CPS1: variants seen among roughly 807,000 people sequenced by gnomAD.
CPS1 encodes carbamoyl-phosphate synthase [ammonia], mitochondrial.
Under a neutral mutation model 174.6 loss-of-function variants are expected in CPS1, and 109 were observed. That is an observed-to-expected ratio of 0.62 (90% CI 0.53 to 0.73). The LOEUF is 0.73. CPS1 is among the 30% of genes least tolerant of loss of function. The pLI is 0.00. For synonymous variants in CPS1, 637 were observed against 632.0 expected (o/e 1.01, Z -0.12); for missense variants, 1,689 against 1,821.9 (o/e 0.93, Z 1.33).
intron 1 of CPS1, among the ~76,000 whole-genome samples, chr2:210,502,125 TG>T (rs1473776146): frequency 6.6e-6 from 1 of 151,976 alleles, no homozygotes; most frequent in Non-Finnish European, 1.5e-5. Context: ...GAGAACAGCA[TG>T]GGGGAAACTG....
Position 210,496,067 on chromosome 2 carries a change from T to C in CPS1, c.3+18301T>C, listed in dbSNP as rs147347275. Among the ~76,000 whole-genome samples, 482 of 152,270 alleles carry C rather than the reference T, an allele frequency of 3.2e-3. 3 individuals are homozygous for C. The highest frequency in any genetic ancestry group is 0.011 in the African/African-American group (460 of 41,550). ...GATATTTTTTATTATTTATCAAATA[T>C]TCAGATACTATTTTTGCCAACATGC... On this transcript the variant is annotated intron_variant, in intron 1 of 38. Coordinates refer to the CPS1 transcript ENST00000430249.
rs568936756 is a variant in CPS1, at chr2:210,515,747, G to A, written c.3+37981G>A. Among the ~76,000 whole-genome samples, 171 of 151,698 alleles carry A rather than the reference G, an allele frequency of 1.1e-3. 1 individual carries two copies. The Middle Eastern group carries it at 0.014, about 12-fold the overall frequency. The stretch of plus-strand genomic sequence containing the variant: ...TTTCTTTCCTTTTGCTAGCTGCGGG[G>A]TTAGTTTATTTACCTTTTTCTAGTT... On this transcript the variant is annotated intron_variant, in intron 1 of 38. Transcript: ENST00000430249.
intron 21 of CPS1, among the ~76,000 whole-genome samples, chr2:210,620,842 T>C (rs1446536940): frequency 6.6e-6 from 1 of 151,936 alleles, no homozygotes; most frequent in Non-Finnish European, 1.5e-5. Context: ...TAAATATCAA[T>C]CTGAGATTTG....
intron 1 of CPS1, among the ~76,000 whole-genome samples, chr2:210,485,355 A>G (rs541053209): frequency 6.6e-6 from 1 of 152,260 alleles, no homozygotes; most frequent in African/African-American, 2.4e-5. Flanking sequence ...ATAAATCATC[A>G]CCAAAATTGA....
chr2:210,586,421 G>A (rs75696612), intron 6 of CPS1, among the ~76,000 whole-genome samples: 2,243 of 152,094 alleles, frequency 0.015, 42 homozygotes, highest in African/African-American at 0.051. Flanking sequence ...TTGAAACACA[G>A]CATGATAGAG....
At chr2:210,642,317 T>C (rs1708432061) in intron 24 of CPS1, among the ~76,000 whole-genome samples, 167 bp from the exon 25 acceptor site, 1 of 152,248 alleles carries the variant, frequency 6.6e-6, no homozygotes, top group Non-Finnish European at 1.5e-5. Context: ...CTACTACTAA[T>C]ACAGTATGCA....
At chr2:210,629,323 C>CA (rs1553515413) in intron 21 of CPS1, among the ~76,000 whole-genome samples, 1 of 150,346 alleles carries the variant, frequency 6.7e-6, no homozygotes, top group Non-Finnish European at 1.5e-5. Context: ...CTTTTTTTTT[C>CA]TTTTTTTTTG....
intron 34 of CPS1, chr2:210,674,255 C>A (rs1351825022): frequency 1.3e-5 from 2 of 152,118 alleles, no homozygotes; most frequent in Non-Finnish European, 2.9e-5. Flanking sequence ...GGGTGGATCA[C>A]CTGAGGTCGG....
chr2:210,652,811 G>A (rs1159376691), intron 28 of CPS1, among the ~76,000 whole-genome samples: 2 of 152,108 alleles, frequency 1.3e-5, no homozygotes, highest in Middle Eastern at 3.2e-3. Flanking sequence ...TCACTTTAAT[G>A]GAAGATTTGA....
intron 1 of CPS1, among the ~76,000 whole-genome samples, chr2:210,528,257 T>G (rs989785390): frequency 6.6e-6 from 1 of 151,876 alleles, no homozygotes; most frequent in Non-Finnish European, 1.5e-5. Context: ...AAACAGAAAC[T>G]TTTTTAGTGA....
At chr2:210,503,218 G>A (rs574416887) in intron 1 of CPS1, among the ~76,000 whole-genome samples, 2 of 152,284 alleles carry the variant, frequency 1.3e-5, no homozygotes, top group South Asian at 2.1e-4. Context: ...TTCTTGGGAC[G>A]GAGGAGATTC....
intron 1 of CPS1, among the ~76,000 whole-genome samples, chr2:210,513,042 GGA>G (rs1695567038): frequency 4.3e-5 from 1 of 23,086 alleles, no homozygotes; most frequent in Non-Finnish European, 1.2e-4. Context: ...ATATATATAT[GGA>G]GATATATATA....
Position 210,579,966 on chromosome 2 carries a change from T to C in CPS1, c.528+196T>C, listed in dbSNP as rs150507184. ...TTTTCAAGATTGAATACTTGATTGGTATGTTTTTAACTGAATGGACTTGAG... is the reference window on the plus strand; with the variant it reads ...TTTTCAAGATTGAATACTTGATTGGCATGTTTTTAACTGAATGGACTTGAG... On this transcript the variant is annotated intron_variant, in intron 5 of 37. Transcript: ENST00000233072. Among the ~76,000 whole-genome samples the C allele has an allele frequency of 3.2e-4, 49 of 152,282 alleles. No homozygotes were observed. In the East Asian group the frequency reaches 8.3e-3, roughly 26 times the overall value.
At chr2:210,629,432 A>T (rs891499504) in intron 21 of CPS1, among the ~76,000 whole-genome samples, 2 of 151,716 alleles carry the variant, frequency 1.3e-5, no homozygotes. Context: ...CTCCTGCCTC[A>T]GCCTCCCGAG....
chr2:210,513,706 T>G (rs1008406503), intron 1 of CPS1, among the ~76,000 whole-genome samples: 1 of 152,092 alleles, frequency 6.6e-6, no homozygotes, highest in Non-Finnish European at 1.5e-5. Flanking sequence ...GTCCCACTTG[T>G]GAATTTTTGT....
rs1411899751 is a variant in CPS1 at position 210,669,491 on chromosome 2, G to C, written c.4101+1207G>C. ...AACAGTACCAGGTATTCTCAAGCCA[G>C]TGGGTGATTATTTTAGATTCCATCT... On this transcript the variant is annotated intron_variant, in intron 34 of 37. Transcript: ENST00000233072. Among the ~76,000 whole-genome samples, 10 of 152,138 alleles carry C rather than the reference G, an allele frequency of 6.6e-5. No homozygotes were observed. The East Asian group carries it at 1.7e-3, about 26-fold the overall frequency.
intron 1 of CPS1, among the ~76,000 whole-genome samples, chr2:210,564,542 AT>A (rs1017595635): frequency 9.2e-5 from 14 of 151,868 alleles, no homozygotes; most frequent in Non-Finnish European, 1.9e-4. Flanking sequence ...CGCCTGGCTA[AT>A]TTTTTTGTAT....
intron 5 of CPS1, among the ~76,000 whole-genome samples, chr2:210,581,288 A>G (rs1697914741): frequency 6.6e-6 from 1 of 152,170 alleles, no homozygotes; most frequent in African/African-American, 2.4e-5. Flanking sequence ...GGAAAACTTT[A>G]CAAGACCGCA....
rs140533115 is a variant in CPS1 at position 210,615,027 on chromosome 2, GTA to G, written c.2569-1381_2569-1380del. The stretch of plus-strand genomic sequence containing the variant: ...CTGCACATGTATCCCAGAACTTAAA[GTA>G]TATATATATATATAAAAGAAAGAAA... On this transcript the variant is annotated intron_variant, in intron 20 of 37. Transcript: ENST00000233072. 1.7e-4 allele frequency among the ~76,000 whole-genome samples: 26 copies of G among 149,758 alleles called. No individual in the cohort carries two copies. In the East Asian group the frequency reaches 2.6e-3, roughly 15 times the overall value.
Sources: allele counts gnomAD v4.1 joint callset (sites outside exome capture counted in the v4.1 genomes callset), GRCh38; gene constraint gnomAD v4.1.1; transcripts MANE v1.5; gene names NCBI Gene and HGNC (gene_info 2026-07-23, HGNC 2026-07-21).